MACROD2: variants seen among roughly 807,000 people sequenced by gnomAD.
MACROD2 encodes the protein ADP-ribose glycohydrolase MACROD2.
MACROD2 carries 36 observed loss-of-function variants against 70.4 expected under a neutral mutation model. The observed-to-expected ratio is 0.51, with a 90% CI of 0.39 to 0.68. The LOEUF (loss-of-function observed/expected upper bound fraction) is 0.68, where lower values mean the gene tolerates loss of function less well. Ranked by LOEUF, MACROD2 falls within the 30% of genes least tolerant of loss-of-function variation. The pLI, the probability that MACROD2 is intolerant of heterozygous loss-of-function variation, is 0.00. For missense variants in MACROD2, 496 were observed against 538.4 expected, an observed-to-expected ratio of 0.92 and a Z score of 0.78; for synonymous variants, 172 against 178.8, an observed-to-expected ratio of 0.96 and a Z score of 0.30.
At chr20:15,861,279 C>T (rs1243452186) in intron 8 of MACROD2, among the ~76,000 whole-genome samples, 2 of 152,138 alleles carry the variant, frequency 1.3e-5, no homozygotes, top group Admixed American at 6.5e-5. Context: ...GTGCTTTAGC[C>T]ACAGGACATA....
intron 3 of MACROD2, among the ~76,000 whole-genome samples, chr20:14,471,105 G>A (rs1277943540): frequency 1.3e-5 from 2 of 152,192 alleles, no homozygotes; most frequent in Non-Finnish European, 2.9e-5. Context: ...CATGGGAAAA[G>A]TGTAGTATCT....
chr20:15,610,569 A>G (rs568310841), intron 8 of MACROD2, among the ~76,000 whole-genome samples: 3 of 152,244 alleles, frequency 2.0e-5, no homozygotes, highest in East Asian at 3.9e-4. Flanking sequence ...TGCATCCAGG[A>G]TGATCTATCT....
At chr20:15,506,318 T>C (rs1255693711) in intron 8 of MACROD2, among the ~76,000 whole-genome samples, 1 of 152,164 alleles carries the variant, frequency 6.6e-6, no homozygotes, top group African/African-American at 2.4e-5. Context: ...GCTGAACATA[T>C]TTCTCCACCC....
chr20:15,227,836 T>TTGTTTTG (rs1317872117), intron 5 of MACROD2, among the ~76,000 whole-genome samples: 6 of 124,618 alleles, frequency 4.8e-5, no homozygotes, highest in African/African-American at 1.9e-4. Flanking sequence ...TTTTTTTTTT[T>TTGTTTTG]TTTTTTTTTT....
At chr20:14,287,228 A>G (rs900681958) in intron 3 of MACROD2, among the ~76,000 whole-genome samples, 2 of 152,182 alleles carry the variant, frequency 1.3e-5, no homozygotes, top group African/African-American at 4.8e-5. Flanking sequence ...TGCAGTGATA[A>G]TGGAAATTCA....
intron 3 of MACROD2, among the ~76,000 whole-genome samples, chr20:14,370,929 T>C (rs1205276676): frequency 6.6e-6 from 1 of 152,218 alleles, no homozygotes; most frequent in Non-Finnish European, 1.5e-5. Context: ...TAAATAATTA[T>C]TATTCATAGC....
intron 6 of MACROD2, among the ~76,000 whole-genome samples, chr20:15,302,715 A>T (rs896501320): frequency 6.6e-6 from 1 of 152,228 alleles, no homozygotes; most frequent in African/African-American, 2.4e-5. Flanking sequence ...TAATTTTAAT[A>T]GATGTTGCCA....
chr20:15,930,052 A>G (rs2065550735), intron 10 of MACROD2, among the ~76,000 whole-genome samples: 1 of 152,196 alleles, frequency 6.6e-6, no homozygotes, highest in Non-Finnish European at 1.5e-5. Context: ...TTAAAGGAAT[A>G]TTAACTGAGA....
intron 5 of MACROD2, among the ~76,000 whole-genome samples, chr20:14,735,430 C>G (rs1449479492): frequency 6.6e-6 from 1 of 152,072 alleles, no homozygotes; most frequent in African/African-American, 2.4e-5. Context: ...CAAATGAAAA[C>G]CAAAGTGAAA....
intron 8 of MACROD2, among the ~76,000 whole-genome samples, chr20:15,684,746 A>G (rs532493657): frequency 1.1e-3 from 172 of 152,342 alleles, no homozygotes; most frequent in African/African-American, 3.9e-3. Context: ...GAGATATAGT[A>G]TGCACTTGAA....
intron 6 of MACROD2, among the ~76,000 whole-genome samples, chr20:15,420,385 CTTATAA>C (rs1301144935): frequency 6.6e-6 from 1 of 152,156 alleles, no homozygotes; most frequent in Non-Finnish European, 1.5e-5. Context: ...CAAGTTATTA[CTTATAA>C]TTATAGTGCC....
At chr20:15,344,714 C>G (rs1369676767) in intron 6 of MACROD2, among the ~76,000 whole-genome samples, 1 of 152,084 alleles carries the variant, frequency 6.6e-6, no homozygotes, top group Non-Finnish European at 1.5e-5. Context: ...ATGGCCCTGC[C>G]TTTTCACACT....
At chr20:15,312,867 C>A (rs974951674) in intron 6 of MACROD2, among the ~76,000 whole-genome samples, 6 of 151,998 alleles carry the variant, frequency 3.9e-5, no homozygotes, top group African/African-American at 1.5e-4. Context: ...ATATGTGATA[C>A]ACTGACTTGA....
intron 3 of MACROD2, among the ~76,000 whole-genome samples, chr20:14,143,134 C>A (rs1255472667): frequency 1.3e-5 from 2 of 152,074 alleles, no homozygotes; most frequent in African/African-American, 4.8e-5. Flanking sequence ...AACAAATAAC[C>A]AAAATGAATT....
intron 8 of MACROD2, among the ~76,000 whole-genome samples, chr20:15,794,380 T>A (rs181764055): frequency 6.6e-6 from 1 of 152,216 alleles, no homozygotes; most frequent in African/African-American, 2.4e-5. Flanking sequence ...AAATATGAAA[T>A]AGCTAAAAAT....
chr20:16,044,600 A>C lies in MACROD2; in HGVS notation c.1261A>C (p.Asn421His), dbSNP rs2067354073. ...AATGAATAGTCAGGTTGACAAGGTA[A>C]ATGACCCAACAGAGAGTCAACAAGA... is the stretch of plus-strand genomic sequence containing the variant. ...VEMNSQVDKV[N>H]DPTESQQEDQ... The change falls in exon 17 of 18, where the codon AAT (asparagine) becomes CAT (histidine). Residue 421 changes from asparagine to histidine, a missense_variant. Transcript: ENST00000684519. 1.2e-6 allele frequency: 2 copies of C among 1,612,910 alleles called. No individual in the cohort carries two copies. The highest frequency in any genetic ancestry group is 2.7e-5 in the African/African-American group (2 of 74,792).
intron 5 of MACROD2, among the ~76,000 whole-genome samples, chr20:14,915,625 T>C (rs1260004906): frequency 1.3e-5 from 2 of 152,172 alleles, no homozygotes; most frequent in African/African-American, 4.8e-5. Flanking sequence ...TGCCCGACTG[T>C]GTGAGGCCGC....
intron 10 of MACROD2, among the ~76,000 whole-genome samples, chr20:15,904,930 G>T (rs1394594017): frequency 6.6e-6 from 1 of 151,454 alleles, no homozygotes; most frequent in Non-Finnish European, 1.5e-5. Context: ...GGAAAGAGGT[G>T]GGGGAGAGGG....
At chr20:15,417,640 A>AAAAG (rs2046173774) in intron 6 of MACROD2, among the ~76,000 whole-genome samples, 1 of 143,220 alleles carries the variant, frequency 7.0e-6, no homozygotes, top group Non-Finnish European at 1.5e-5. Flanking sequence ...AAAAGAAAAG[A>AAAAG]AAAAAAAAAG....
Sources: allele counts gnomAD v4.1 joint callset (sites outside exome capture counted in the v4.1 genomes callset), GRCh38; gene constraint gnomAD v4.1.1; transcripts MANE v1.5; gene names NCBI Gene and HGNC (gene_info 2026-07-23, HGNC 2026-07-21).